NOL4L: variants seen among roughly 807,000 people sequenced by gnomAD.
The protein encoded by NOL4L is nucleolar protein 4 like.
A neutral mutation model predicts 64.5 loss-of-function variants in NOL4L; 7 were observed. The ratio of observed to expected loss-of-function variants is 0.11; its 90% CI spans 0.06 to 0.20. NOL4L has a LOEUF of 0.20. NOL4L is among the 10% of genes least tolerant of loss of function. NOL4L has a pLI of 1.00. For missense variants in NOL4L, 680 were observed against 967.1 expected (o/e 0.70, Z 3.94); for synonymous variants, 413 against 401.0 (o/e 1.03, Z -0.36).
rs748432678 is a variant in NOL4L at position 32,452,393 on chromosome 20, T to G, written c.1665A>C (p.Ala555=). The G allele has an allele frequency of 8.7e-6, 14 of 1,611,194 alleles. No homozygotes were observed. In the South Asian group the frequency reaches 1.3e-4, roughly 15 times the overall value. The change falls in exon 10 of 11, where the codon GCA becomes GCC. Residue 555 remains alanine (A), a synonymous_variant. Transcript: ENST00000621426. ...ALDKQHSRDS[A]AITHSTYSLP... ...GTGAGTAGGTGGAGTGGGTGATGGC[T>G]GCGGAGTCCCGCGAGTGCTGCTTGT... is the stretch of plus-strand genomic sequence containing the variant.
In NOL4L at chr20:32,469,618, G is replaced by A. The variant is rs181267898; in HGVS notation, c.841+4983C>T. 5.3e-5 allele frequency among the ~76,000 whole-genome samples: 8 copies of A among 152,288 alleles called. No individual in the cohort carries two copies. In the East Asian group the frequency reaches 5.8e-4, roughly 11 times the overall value. Reference sequence around the variant, plus strand: ...ACTCCTGACCTCAGGTGATCCACCCGCCTCAGCCTCCCAAAATGCTGGGCT... The same window carrying A: ...ACTCCTGACCTCAGGTGATCCACCCACCTCAGCCTCCCAAAATGCTGGGCT... On this transcript the variant is annotated intron_variant, in intron 5 of 10. Transcript: ENST00000621426.
intron 1 of NOL4L, among the ~76,000 whole-genome samples, chr20:32,576,252 CA>C (rs1340272898): frequency 1.3e-5 from 2 of 152,126 alleles, no homozygotes; most frequent in Non-Finnish European, 2.9e-5. Flanking sequence ...AGGGTAGACA[CA>C]GGGGGCCCCG....
chr20:32,470,540 G>A (rs141490996), intron 5 of NOL4L, among the ~76,000 whole-genome samples: 4 of 152,262 alleles, frequency 2.6e-5, no homozygotes, highest in African/African-American at 9.6e-5. Flanking sequence ...AAGTACAGAC[G>A]GATGTGCTGT....
At chr20:32,471,288 G>A (rs375466578) in intron 5 of NOL4L, among the ~76,000 whole-genome samples, 1 of 149,794 alleles carries the variant, frequency 6.7e-6, no homozygotes, top group Non-Finnish European at 1.5e-5. Flanking sequence ...CACTCACCCC[G>A]GTAGAGGCTC....
At chr20:32,485,808 C>A (rs1359584094) in intron 4 of NOL4L, 1 of 469,498 alleles carries the variant, frequency 2.1e-6, no homozygotes, top group Non-Finnish European at 4.4e-6. Flanking sequence ...CTTTCCCCAC[C>A]ACATTTTCAG....
chr20:32,453,147 G>C lies in NOL4L; in HGVS notation c.1498-141C>G. ...GTCTATGGAGCTGTGTGATCTTTCTGGGCCTTAGTTCCCTCATTTGCAAAC... is the reference window on the plus strand; with the variant it reads ...GTCTATGGAGCTGTGTGATCTTTCTCGGCCTTAGTTCCCTCATTTGCAAAC... On this transcript the variant is annotated intron_variant, in intron 8 of 10. Transcript: ENST00000621426. The surrounding 1 kb of genome is among the most constrained non-coding windows in gnomAD (Gnocchi z 5.6). The C allele has an allele frequency of 7.1e-7, 1 of 1,417,260 alleles. No homozygotes were observed. The highest frequency in any genetic ancestry group is 9.6e-7 in the Non-Finnish European group (1 of 1,044,996). 87.8% of individuals were successfully genotyped at this position (1,417,260 alleles called of 1,614,324 possible). A position where few individuals can be genotyped will look rare whatever the true frequency, so the allele number is the denominator to read the frequency against.
At chr20:32,582,094 G>T (rs1980511578) in intron 1 of NOL4L, 2 of 152,176 alleles carry the variant, frequency 1.3e-5, no homozygotes, top group Non-Finnish European at 2.9e-5. Context: ...GGCATCTCCT[G>T]CCTGGCTCCG....
At chr20:32,475,440 C>T (rs1282412207) in intron 4 of NOL4L, 11 of 609,576 alleles carry the variant, frequency 1.8e-5, no homozygotes, top group South Asian at 1.5e-4. Flanking sequence ...GCCGCCAGGG[C>T]GTTCCAAACA....
intron 1 of NOL4L, among the ~76,000 whole-genome samples, chr20:32,556,874 G>A (rs932271407): frequency 6.6e-6 from 1 of 152,228 alleles, no homozygotes; most frequent in African/African-American, 2.4e-5. Context: ...CTCGCCACAC[G>A]GCCACCTTGC....
intron 1 of NOL4L, among the ~76,000 whole-genome samples, chr20:32,568,599 G>A (rs561070013): frequency 2.6e-4 from 39 of 152,220 alleles, no homozygotes; most frequent in Non-Finnish European, 5.0e-4. Context: ...GGCTTTCTGG[G>A]GCCCCACTAT....
intron 2 of NOL4L, 118 bp downstream of exon 2, chr20:32,527,640 G>A (rs2018182090): frequency 8.1e-7 from 1 of 1,238,874 alleles, no homozygotes; most frequent in East Asian, 2.6e-5. Context: ...GATCCCCAAA[G>A]GCCGTTTCAT....
chr20:32,465,984 T>G (rs973455701), intron 5 of NOL4L, among the ~76,000 whole-genome samples: 7 of 149,804 alleles, frequency 4.7e-5, no homozygotes, highest in African/African-American at 1.2e-4. Flanking sequence ...TCCATTCTTT[T>G]TTTTTTTTTT....
At chr20:32,583,084 C>A (rs1159331094) in intron 1 of NOL4L, among the ~76,000 whole-genome samples, 1 of 152,114 alleles carries the variant, frequency 6.6e-6, no homozygotes. Flanking sequence ...CCCCTCTGCC[C>A]GGCCCCCTGT....
intron 4 of NOL4L, among the ~76,000 whole-genome samples, chr20:32,484,707 C>T (rs1169623185): frequency 6.6e-6 from 1 of 152,042 alleles, no homozygotes; most frequent in African/African-American, 2.4e-5. Context: ...CAGCCCAGAC[C>T]CGGGCACGCA....
chr20:32,448,260 T>C (rs1345801940), intron 10 of NOL4L, among the ~76,000 whole-genome samples: 2 of 152,036 alleles, frequency 1.3e-5, no homozygotes, highest in Non-Finnish European at 2.9e-5. Flanking sequence ...GAAGGGGAGA[T>C]GGTGTGCAGG....
intron 4 of NOL4L, among the ~76,000 whole-genome samples, chr20:32,480,682 C>G (rs1390102654): frequency 6.6e-6 from 1 of 152,204 alleles, no homozygotes; most frequent in African/African-American, 2.4e-5. Flanking sequence ...CGCATGTGAC[C>G]CCAACTTAAC....
At chr20:32,560,172 C>T (rs1264105396) in intron 1 of NOL4L, among the ~76,000 whole-genome samples, 1 of 152,246 alleles carries the variant, frequency 6.6e-6, no homozygotes, top group Non-Finnish European at 1.5e-5. Flanking sequence ...CTCCCAGCCC[C>T]GTCACACAGG....
In NOL4L at chr20:32,453,110, T is replaced by A. The variant is rs544469432; in HGVS notation, c.1498-104A>T. 1.3e-6 allele frequency: 2 copies of A among 1,519,662 alleles called. No individual in the cohort carries two copies. The highest frequency in any genetic ancestry group is 3.6e-5 in the Admixed American group (2 of 55,694). The allele number at this position is 1,519,662 out of a possible 1,614,324, so 94.1% of individuals were successfully genotyped here. ...GGGTGGCACAGGGTGGGGTTTGGGCTCCAGCGCCTCAGTCTATGGAGCTGT... is the reference window on the plus strand; with the variant it reads ...GGGTGGCACAGGGTGGGGTTTGGGCACCAGCGCCTCAGTCTATGGAGCTGT... On this transcript the variant is annotated intron_variant, in intron 8 of 10. Coordinates refer to ENST00000621426, the MANE Select transcript of NOL4L (RefSeq NM_001256798.2). The surrounding 1 kb of genome is among the most constrained non-coding windows in gnomAD (Gnocchi z 5.6).
intron 5 of NOL4L, among the ~76,000 whole-genome samples, chr20:32,472,329 G>A (rs1260588739): frequency 1.3e-5 from 2 of 152,238 alleles, no homozygotes; most frequent in South Asian, 2.1e-4. Flanking sequence ...AGACTTCCAC[G>A]AAGGACGGAA....
Sources: allele counts gnomAD v4.1 joint callset (sites outside exome capture counted in the v4.1 genomes callset), GRCh38; gene constraint gnomAD v4.1.1; non-coding constraint Gnocchi (gnomAD v3.1); transcripts MANE v1.5; gene names NCBI Gene and HGNC (gene_info 2026-07-23, HGNC 2026-07-21).